NOTCH2: variants seen among roughly 807,000 people sequenced by gnomAD.
NOTCH2 encodes neurogenic locus notch homolog protein 2.
A neutral mutation model predicts 235.8 loss-of-function variants in NOTCH2; 29 were observed. That is an observed-to-expected ratio of 0.12 (90% CI 0.09 to 0.17). The LOEUF (loss-of-function observed/expected upper bound fraction) is 0.17. Ranked by LOEUF, NOTCH2 falls within the 10% of genes least tolerant of loss-of-function variation. The pLI is 1.00. For synonymous variants in NOTCH2, 1,086 were observed against 1,141.5 expected, an observed-to-expected ratio of 0.95 and a Z score of 0.98; for missense variants, 2,285 against 3,150.2, an observed-to-expected ratio of 0.73 and a Z score of 6.57.
intron 11 of NOTCH2, among the ~76,000 whole-genome samples, chr1:119,959,928 T>G (rs587735825): frequency 6.6e-6 from 1 of 152,350 alleles, no homozygotes; most frequent in East Asian, 1.9e-4. Flanking sequence ...ATAATTTTAA[T>G]AAATCTCGAA....
At chr1:119,980,025 G>C (rs181516468) in intron 5 of NOTCH2, among the ~76,000 whole-genome samples, 58 of 152,286 alleles carry the variant, frequency 3.8e-4, no homozygotes, top group African/African-American at 1.3e-3. Flanking sequence ...TGACAAGCAT[G>C]TGGCTTATGT....
At chr1:120,029,290 A>T (rs1392888521) in intron 2 of NOTCH2, among the ~76,000 whole-genome samples, 1 of 151,368 alleles carries the variant, frequency 6.6e-6, no homozygotes, top group Non-Finnish European at 1.5e-5. Flanking sequence ...TTAAGGGGAG[A>T]CTCTAAGAGT....
At chr1:120,006,737 ACT>A (rs1249937892) in intron 2 of NOTCH2, among the ~76,000 whole-genome samples, 2 of 151,488 alleles carry the variant, frequency 1.3e-5, no homozygotes, top group East Asian at 3.9e-4. Flanking sequence ...TTTAAACCAA[ACT>A]CTAAATCCCC....
intron 12 of NOTCH2, among the ~76,000 whole-genome samples, chr1:119,957,281 C>T (rs1553198447): frequency 3.9e-5 from 6 of 152,138 alleles, no homozygotes; most frequent in Non-Finnish European, 5.9e-5. Context: ...ATTTGTTAAA[C>T]GGGTATAGTA....
intron 17 of NOTCH2, among the ~76,000 whole-genome samples, chr1:119,946,642 C>T (rs1436010170): frequency 3.3e-5 from 5 of 151,892 alleles, no homozygotes; most frequent in African/African-American, 1.2e-4. Flanking sequence ...TACAAAAAGA[C>T]CTCTTAAAAA....
rs758666278 is a variant in NOTCH2, at chr1:119,915,519, T to C, written c.7203A>G (p.Thr2401=). The part of the protein sequence containing the change: ...SYASSNAAER[T]PSHSGHLQGE... Reference sequence around the variant, plus strand: ...CCTGGAGGTGACCACTGTGACTGGGTGTTCGCTCAGCAGCATTTGAGGAAG... The same window carrying C: ...CCTGGAGGTGACCACTGTGACTGGGCGTTCGCTCAGCAGCATTTGAGGAAG... The change falls in exon 34 of 34, where the codon ACA becomes ACG. Residue 2401 remains threonine (T), a synonymous_variant. Coordinates refer to ENST00000256646, the MANE Select transcript of NOTCH2 (RefSeq NM_024408.4). 6.2e-7 allele frequency: 1 copy of C among 1,614,044 alleles called. No individual in the cohort carries two copies. The highest frequency in any genetic ancestry group is 1.1e-5 in the South Asian group (1 of 91,074).
At chr1:119,989,026 T>C (rs992108773) in intron 4 of NOTCH2, among the ~76,000 whole-genome samples, 6 of 152,218 alleles carry the variant, frequency 3.9e-5, no homozygotes, top group African/African-American at 1.4e-4. Flanking sequence ...AGGTACTTTT[T>C]CCCTGTCAAT....
intron 2 of NOTCH2, among the ~76,000 whole-genome samples, chr1:120,026,475 AT>A (rs11349789): frequency 0.033 from 4,783 of 143,044 alleles, no homozygotes; most frequent in East Asian, 0.11. Flanking sequence ...TTTATTTTCT[AT>A]TTTGTGAAAA....
chr1:119,953,507 AAG>A (rs1650566019), intron 14 of NOTCH2, 34 bp downstream of exon 14: 1 of 1,611,862 alleles, frequency 6.2e-7, no homozygotes, highest in Admixed American at 1.7e-5. Flanking sequence ...CAAGAAGACA[AAG>A]AGCAGACGCA....
At chr1:119,978,714 A>T (rs1651693935) in intron 5 of NOTCH2, among the ~76,000 whole-genome samples, 1 of 151,860 alleles carries the variant, frequency 6.6e-6, no homozygotes, top group Non-Finnish European at 1.5e-5. Flanking sequence ...AGGAGGCCCC[A>T]CTCTCTGGCT....
At chr1:119,996,843 C>A (rs1652474810) in intron 4 of NOTCH2, 154 bp downstream of exon 4, 2 of 820,282 alleles carry the variant, frequency 2.4e-6, no homozygotes, top group Admixed American at 2.0e-5. Context: ...CACAGTGGGC[C>A]CATAAAACTC....
chr1:120,003,401 G>C (rs1190034795), intron 3 of NOTCH2, among the ~76,000 whole-genome samples: 27 of 150,326 alleles, frequency 1.8e-4, no homozygotes, highest in African/African-American at 6.4e-4. Flanking sequence ...TTGCCACCAA[G>C]ACACTTTGGG....
At chr1:119,986,812 G>A in intron 5 of NOTCH2, 148 bp downstream of exon 5, 1 of 971,568 alleles carries the variant, frequency 1.0e-6, no homozygotes, top group Non-Finnish European at 1.6e-6. Context: ...AGTACAATAA[G>A]CAATGATCTA....
intron 5 of NOTCH2, among the ~76,000 whole-genome samples, chr1:119,977,798 G>A (rs1651647812): frequency 6.6e-6 from 1 of 152,138 alleles, no homozygotes; most frequent in Admixed American, 6.5e-5. Context: ...TTGGAGATGA[G>A]GTTGGGCTGG....
At chr1:119,983,698 G>A (rs587702188) in intron 5 of NOTCH2, among the ~76,000 whole-genome samples, 1 of 152,226 alleles carries the variant, frequency 6.6e-6, no homozygotes, top group East Asian at 1.9e-4. Flanking sequence ...AGAAAAGGAG[G>A]CTGACAAATT....
rs1360068552 is a variant in NOTCH2 at position 119,929,342 on chromosome 1, T to C, written c.3656-130A>G. On this transcript the variant is annotated intron_variant, in intron 22 of 33. Transcript: ENST00000256646. ...CTCCTCAACTGGTAGTGGGACCTTG[T>C]AGTTGGGCAGGGCAAAGCACACTCT... The C allele has an allele frequency of 1.6e-5, 12 of 770,172 alleles. No homozygotes were observed. In the East Asian group the frequency reaches 2.9e-4, roughly 18 times the overall value. 47.7% of individuals were successfully genotyped at this position (770,172 alleles called of 1,614,324 possible).
intron 1 of NOTCH2, among the ~76,000 whole-genome samples, chr1:120,040,817 C>G (rs1295430774): frequency 6.7e-6 from 1 of 149,732 alleles, no homozygotes; most frequent in Non-Finnish European, 1.5e-5. Flanking sequence ...GTGGGCGGAT[C>G]ACGAGGTCAG....
intron 17 of NOTCH2, among the ~76,000 whole-genome samples, chr1:119,945,929 A>G (rs955741263): frequency 6.6e-6 from 1 of 152,216 alleles, no homozygotes; most frequent in Admixed American, 6.5e-5. Flanking sequence ...GTATGAAAAA[A>G]ATCTGCAAAA....
intron 4 of NOTCH2, among the ~76,000 whole-genome samples, chr1:119,989,037 A>T (rs1553202549): frequency 6.6e-6 from 1 of 152,204 alleles, no homozygotes; most frequent in African/African-American, 2.4e-5. Context: ...CCCTGTCAAT[A>T]GGTAGATAGG....
Sources: gnomAD v4.1 joint callset for allele counts (sites outside exome capture counted in the v4.1 genomes callset) on GRCh38, gnomAD v4.1.1 for gene constraint, MANE v1.5 for transcripts, NCBI Gene and HGNC (gene_info 2026-07-23, HGNC 2026-07-21) for gene names.